HM13: variants seen among roughly 807,000 people sequenced by gnomAD.
HM13 encodes histocompatibility minor 13.
In HM13, 18 loss-of-function variants were observed where a neutral mutation model predicts 50.0. That is an observed-to-expected ratio of 0.36 (90% confidence interval 0.25 to 0.53). HM13 has a LOEUF of 0.53. HM13 is among the 20% of genes least tolerant of loss of function. The probability of loss-of-function intolerance (pLI) is 0.90; values close to 1 mark genes in which losing one functional copy is unlikely to be tolerated. For synonymous variants in HM13, 197 were observed against 232.6 expected (o/e 0.85, Z 1.39); for missense variants, 393 against 552.4 (o/e 0.71, Z 2.89).
At chr20:31,552,951 G>T (rs1300603876) in intron 7 of HM13, among the ~76,000 whole-genome samples, 1 of 151,944 alleles carries the variant, frequency 6.6e-6, no homozygotes, top group African/African-American at 2.4e-5. Flanking sequence ...CTCCAGCCTG[G>T]GTGACAGAGT....
intron 1 of HM13, among the ~76,000 whole-genome samples, chr20:31,523,480 C>G (rs1246694894): frequency 6.6e-6 from 1 of 152,148 alleles, no homozygotes; most frequent in East Asian, 1.9e-4. Flanking sequence ...CCAGGCTGAT[C>G]TCGAAATCCT....
In HM13 at chr20:31,549,719, C is replaced by T. The variant is rs531590180; in HGVS notation, c.667-345C>T. Among the ~76,000 whole-genome samples, 15 of 152,352 alleles carry T rather than the reference C, an allele frequency of 9.8e-5. No individual in the cohort carries two copies. In the South Asian group the frequency reaches 1.7e-3, roughly 17 times the overall value. ...CTGAGAGGCATCACAGAGGGACTGACGTCAGCCTGACTCAGGTACCCTTTT... is the reference window on the plus strand; with the variant it reads ...CTGAGAGGCATCACAGAGGGACTGATGTCAGCCTGACTCAGGTACCCTTTT... On this transcript the variant is annotated intron_variant, in intron 6 of 12. Transcript: ENST00000398174.
chr20:31,554,629 C>T (rs1308414260), intron 7 of HM13, 117 bp from the exon 8 acceptor site: 3 of 742,070 alleles, frequency 4.0e-6, no homozygotes, highest in Non-Finnish European at 6.6e-6. Flanking sequence ...TTGCAGTGAG[C>T]CGAGATTGCG....
chr20:31,569,336 G>C lies in HM13; in HGVS notation c.*117G>C. On this transcript the variant is annotated 3_prime_UTR_variant, in exon 13 of 13. Coordinates refer to ENST00000398174, the MANE Select transcript of HM13 (RefSeq NM_178581.3). ...AGGGCAGCTCCAGGACAGGGCAGGGGGCAGCAGGATACCTCCAGCCAGGCC... is the reference window on the plus strand; with the variant it reads ...AGGGCAGCTCCAGGACAGGGCAGGGCGCAGCAGGATACCTCCAGCCAGGCC... 1.6e-6 allele frequency: 1 copy of C among 644,194 alleles called. No homozygotes were observed. The highest frequency in any genetic ancestry group is 2.8e-5 in the East Asian group (1 of 35,628). 39.9% of individuals were successfully genotyped at this position (644,194 alleles called of 1,614,324 possible).
chr20:31,519,403 T>G (rs1254273336), intron 1 of HM13, among the ~76,000 whole-genome samples: 2 of 152,128 alleles, frequency 1.3e-5, no homozygotes, highest in Admixed American at 6.6e-5. Flanking sequence ...GCCTGGCCAG[T>G]ACACTCTTCC....
At chr20:31,565,456 G>A (rs1287362671) in intron 10 of HM13, among the ~76,000 whole-genome samples, 1 of 140,514 alleles carries the variant, frequency 7.1e-6, no homozygotes, top group Non-Finnish European at 1.5e-5. Flanking sequence ...TCCAGCCTGG[G>A]CAACAAGAGT....
chr20:31,544,845 A>G, intron 3 of HM13, 102 bp from the exon 4 acceptor site: 3 of 868,856 alleles, frequency 3.5e-6, no homozygotes, highest in African/African-American at 3.3e-5. Flanking sequence ...CCTACCTATC[A>G]GGACAGCTGT....
intron 9 of HM13, 73 bp downstream of exon 9, chr20:31,559,720 A>C: frequency 6.9e-7 from 1 of 1,438,964 alleles, no homozygotes. Flanking sequence ...AGCCCAGAGA[A>C]GGTACCTCAG....
At chr20:31,526,319 C>T (rs981088697) in intron 1 of HM13, among the ~76,000 whole-genome samples, 14 of 151,960 alleles carry the variant, frequency 9.2e-5, no homozygotes, top group African/African-American at 2.7e-4. Context: ...CCACTGCGCC[C>T]GGCTAATTTT....
At chr20:31,555,309 C>A (rs765998203) in intron 8 of HM13, among the ~76,000 whole-genome samples, 13 of 152,256 alleles carry the variant, frequency 8.5e-5, no homozygotes, top group Non-Finnish European at 1.6e-4. Flanking sequence ...AGAACACACA[C>A]ATGGGCTCCT....
At chr20:31,538,787 G>A (rs181720943) in intron 3 of HM13, 3 of 377,836 alleles carry the variant, frequency 7.9e-6, no homozygotes, top group Non-Finnish European at 1.1e-5. Flanking sequence ...ATTTCCTGGT[G>A]AATGTGGAGA....
At chr20:31,515,523 C>A (rs1332040499) in intron 1 of HM13, among the ~76,000 whole-genome samples, 1 of 152,168 alleles carries the variant, frequency 6.6e-6, no homozygotes, top group Admixed American at 6.5e-5. Context: ...CTTTTCCCAC[C>A]CAGCCTTTGA....
At position 31,554,499 on chromosome 20, in the gene HM13, G is replaced by A. The variant is rs181030225; in HGVS notation, c.725-247G>A. 6.7e-5 allele frequency: 27 copies of A among 402,092 alleles called. No homozygotes were observed. In the East Asian group the frequency reaches 1.1e-3, roughly 17 times the overall value. 24.9% of individuals were successfully genotyped at this position (402,092 alleles called of 1,614,324 possible). A position where few individuals can be genotyped will look rare whatever the true frequency, so the allele number is the denominator to read the frequency against. On this transcript the variant is annotated intron_variant, in intron 7 of 12. Transcript: ENST00000398174. ...AGATCAAGACCATCCTGGCTAACACGGTGAAACCCCGTCTCTACTAAAAAT... is the reference window on the plus strand; with the variant it reads ...AGATCAAGACCATCCTGGCTAACACAGTGAAACCCCGTCTCTACTAAAAAT...
At chr20:31,530,415 T>A (rs1982746043) in intron 2 of HM13, among the ~76,000 whole-genome samples, 1 of 76,490 alleles carries the variant, frequency 1.3e-5, no homozygotes, top group African/African-American at 2.7e-4. Flanking sequence ...TCTTTCATTC[T>A]TTTTTTTTTT....
At chr20:31,519,436 A>G (rs1017242100) in intron 1 of HM13, among the ~76,000 whole-genome samples, 1 of 152,084 alleles carries the variant, frequency 6.6e-6, no homozygotes. Flanking sequence ...TTTTTCACCT[A>G]ATGTGTGTTG....
At chr20:31,544,879 C>G (rs1302661108) in intron 3 of HM13, 68 bp from the exon 4 acceptor site, 8 of 1,229,722 alleles carry the variant, frequency 6.5e-6, no homozygotes, top group Non-Finnish European at 9.6e-6. Context: ...GTAAATGGGG[C>G]AGGGGTGTGT....
intron 4 of HM13, chr20:31,548,312 C>A: frequency 2.7e-6 from 1 of 366,330 alleles, no homozygotes; most frequent in Non-Finnish European, 5.0e-6. Flanking sequence ...ACTCCACAGC[C>A]TCTAGTTGTC....
intron 3 of HM13, chr20:31,539,470 G>A (rs1411099391): frequency 1.3e-5 from 13 of 985,438 alleles, no homozygotes; most frequent in Non-Finnish European, 1.6e-5. Context: ...TGCACATTGA[G>A]GGCATGGGCA....
At chr20:31,516,116 CT>C (rs1004557400) in intron 1 of HM13, among the ~76,000 whole-genome samples, 1 of 152,184 alleles carries the variant, frequency 6.6e-6, no homozygotes, top group Non-Finnish European at 1.5e-5. Flanking sequence ...TTTTATTTGG[CT>C]TTTTCTAAGC....
Sources: allele counts gnomAD v4.1 joint callset (sites outside exome capture counted in the v4.1 genomes callset), GRCh38; gene constraint gnomAD v4.1.1; transcripts MANE v1.5; gene names NCBI Gene and HGNC (gene_info 2026-07-23, HGNC 2026-07-21).